SCAPER: variants seen among roughly 807,000 people sequenced by gnomAD.
SCAPER encodes S-phase cyclin A associated protein in the ER.
SCAPER carries 98 observed loss-of-function variants against 182.2 expected under a neutral mutation model. The observed-to-expected ratio is 0.54, with a 90% CI of 0.46 to 0.64. The LOEUF (loss-of-function observed/expected upper bound fraction) is 0.64, where lower values mean the gene tolerates loss of function less well. Ranked by LOEUF, SCAPER falls within the 30% of genes least tolerant of loss-of-function variation. The pLI is 0.00. For missense variants in SCAPER, 1,432 were observed against 1,690.0 expected (o/e 0.85, Z 2.68); for synonymous variants, 605 against 564.6 (o/e 1.07, Z -1.01).
At chr15:76,447,423 C>A (rs2048077188) in intron 25 of SCAPER, among the ~76,000 whole-genome samples, 1 of 152,184 alleles carries the variant, frequency 6.6e-6, no homozygotes, top group Non-Finnish European at 1.5e-5. Flanking sequence ...ACAGGTAAAA[C>A]AACCTGAGAC....
chr15:76,461,937 A>C (rs2049216919), intron 25 of SCAPER, among the ~76,000 whole-genome samples: 2 of 152,296 alleles, frequency 1.3e-5, no homozygotes, highest in East Asian at 1.9e-4. Flanking sequence ...CTCAAATCCC[A>C]GTTTTCTTGT....
At chr15:76,551,761 T>C (rs2045789720) in intron 23 of SCAPER, among the ~76,000 whole-genome samples, 1 of 152,200 alleles carries the variant, frequency 6.6e-6, no homozygotes, top group Non-Finnish European at 1.5e-5. Context: ...TACACTGATT[T>C]CATCAGTACA....
rs1369563073 is a variant in SCAPER, at chr15:76,354,968, A to G, written c.3856-828T>C. Among the ~76,000 whole-genome samples, 1 of 152,258 alleles carries G rather than the reference A, an allele frequency of 6.6e-6. No individual in the cohort carries two copies. Among genetic ancestry groups the G allele is most frequent in the Non-Finnish European group, 1.5e-5 (1 of 68,048 alleles). On this transcript the variant is annotated intron_variant, in intron 29 of 31. Coordinates refer to ENST00000563290, the MANE Select transcript of SCAPER (RefSeq NM_020843.4). The surrounding 1 kb of genome is among the most constrained non-coding windows in gnomAD (Gnocchi z 4.4). Reference sequence around the variant, plus strand: ...GAAAGAGCTGGGTGACCCAAAGCCCACTTCGTGGTATAGGAGGAAGCTCCT... The same window carrying G: ...GAAAGAGCTGGGTGACCCAAAGCCCGCTTCGTGGTATAGGAGGAAGCTCCT...
chr15:76,462,100 G>A (rs577113960), intron 25 of SCAPER, among the ~76,000 whole-genome samples: 4 of 152,180 alleles, frequency 2.6e-5, no homozygotes, highest in Admixed American at 1.3e-4. Flanking sequence ...CCTGAATTCT[G>A]TCCTCTGGTT....
chr15:76,451,075 T>C (rs1313570011), intron 25 of SCAPER, among the ~76,000 whole-genome samples: 2 of 152,248 alleles, frequency 1.3e-5, no homozygotes, highest in Non-Finnish European at 2.9e-5. Context: ...GTATTATAAA[T>C]GACTTTGCAT....
chr15:76,429,329 G>A (rs1164516874), intron 26 of SCAPER, among the ~76,000 whole-genome samples: 2 of 152,168 alleles, frequency 1.3e-5, no homozygotes, highest in African/African-American at 2.4e-5. Flanking sequence ...CCCTGAAAAT[G>A]TTGGAAGTGA....
At position 76,883,840 on chromosome 15, in the gene SCAPER, A is replaced by G. The variant is rs1374576172; in HGVS notation, c.-23T>C. On this transcript the variant is annotated 5_prime_UTR_variant, in exon 2 of 32. Coordinates refer to ENST00000563290, the MANE Select transcript of SCAPER (RefSeq NM_020843.4). ...CATTCTTTAAATTCTCTTCTATGCC[A>G]AGATCATTTATCACATAAACCCATG... The G allele has an allele frequency of 6.6e-7, 1 of 1,523,126 alleles. No homozygotes were observed. Among genetic ancestry groups the G allele is most frequent in the African/African-American group, 1.4e-5 (1 of 71,944 alleles). 94.4% of individuals were successfully genotyped at this position (1,523,126 alleles called of 1,614,324 possible). A position where few individuals can be genotyped will look rare whatever the true frequency, so the allele number is the denominator to read the frequency against.
intron 20 of SCAPER, among the ~76,000 whole-genome samples, chr15:76,680,349 G>A (rs2057622954): frequency 6.6e-6 from 1 of 150,726 alleles, no homozygotes; most frequent in Non-Finnish European, 1.5e-5. Flanking sequence ...ATTAAACCAG[G>A]TAAATTTCAG....
In SCAPER at chr15:76,471,347, A is replaced by C. The variant is rs2050149917; in HGVS notation, c.2955-12T>G. ...CATTGCAGAGAGACCTAAAAGAAGG[A>C]GAAAAACACCATTTATAAAACCCGA... On this transcript the variant is annotated splice_polypyrimidine_tract_variant and intron_variant, in intron 24 of 31. Coordinates refer to ENST00000563290, the MANE Select transcript of SCAPER (RefSeq NM_020843.4). 6.3e-7 allele frequency: 1 copy of C among 1,592,936 alleles called. No homozygotes were observed. Among genetic ancestry groups the C allele is most frequent in the South Asian group, 1.1e-5 (1 of 86,998 alleles).
At chr15:76,597,245 C>G (rs150583865) in intron 22 of SCAPER, among the ~76,000 whole-genome samples, 1 of 121,528 alleles carries the variant, frequency 8.2e-6, no homozygotes, top group African/African-American at 2.5e-5. Context: ...AAACAACTTA[C>G]ACGGGATGTG....
chr15:76,792,353 A>ACTGGC (rs1342938050), intron 8 of SCAPER, among the ~76,000 whole-genome samples: 1 of 152,106 alleles, frequency 6.6e-6, no homozygotes, highest in Non-Finnish European at 1.5e-5. Context: ...TGAGTGAGTC[A>ACTGGC]CTGGCAGTCT....
At chr15:76,822,154 G>A (rs1302086440) in intron 5 of SCAPER, among the ~76,000 whole-genome samples, 1 of 152,080 alleles carries the variant, frequency 6.6e-6, no homozygotes, top group Non-Finnish European at 1.5e-5. Context: ...TGTAAACTAT[G>A]GACTTGGGAA....
At chr15:76,770,281 C>T (rs1214028957) in intron 10 of SCAPER, among the ~76,000 whole-genome samples, 1 of 151,602 alleles carries the variant, frequency 6.6e-6, no homozygotes, top group Non-Finnish European at 1.5e-5. Flanking sequence ...TGCAGCAAAC[C>T]AACATGGCAC....
chr15:76,423,188 A>C (rs2046173373), intron 26 of SCAPER, among the ~76,000 whole-genome samples: 1 of 152,234 alleles, frequency 6.6e-6, no homozygotes, highest in African/African-American at 2.4e-5. Flanking sequence ...TAGTTTCAGA[A>C]GGAATGGTAC....
At chr15:76,793,492 G>C in intron 8 of SCAPER, 1 of 492,010 alleles carries the variant, frequency 2.0e-6, no homozygotes, top group Non-Finnish European at 3.6e-6. Context: ...TAGGTTGCTT[G>C]CCAATGGTTT....
rs1002234532 is a variant in SCAPER, at chr15:76,865,845, C to T, written c.7-3312G>A. Among the ~76,000 whole-genome samples the T allele has an allele frequency of 2.6e-5, 4 of 152,304 alleles. No homozygotes were observed. In the South Asian group the frequency reaches 6.2e-4, roughly 24 times the overall value. On this transcript the variant is annotated intron_variant, in intron 2 of 31. Coordinates refer to ENST00000563290, the MANE Select transcript of SCAPER (RefSeq NM_020843.4). ...GTAAACATCCGTACCCATATTCCTTCATTCCTCTGACCTTACCCTGAATAT... is the reference window on the plus strand; with the variant it reads ...GTAAACATCCGTACCCATATTCCTTTATTCCTCTGACCTTACCCTGAATAT...
At chr15:76,851,424 T>G (rs1250437100) in intron 4 of SCAPER, among the ~76,000 whole-genome samples, 1 of 151,974 alleles carries the variant, frequency 6.6e-6, no homozygotes, top group Non-Finnish European at 1.5e-5. Flanking sequence ...GAAAAAATGT[T>G]GAAGGTAGCT....
intron 7 of SCAPER, among the ~76,000 whole-genome samples, chr15:76,799,996 T>G (rs1336837780): frequency 6.6e-6 from 1 of 151,516 alleles, no homozygotes; most frequent in Admixed American, 6.6e-5. Context: ...ACTCCTCCAG[T>G]GGCAACAGGG....
At chr15:76,771,393 T>C (rs1231673008) in intron 10 of SCAPER, among the ~76,000 whole-genome samples, 1 of 152,098 alleles carries the variant, frequency 6.6e-6, no homozygotes, top group South Asian at 2.1e-4. Context: ...AAACTAAGTC[T>C]AGCAGACACC....
Sources: allele counts gnomAD v4.1 joint callset (sites outside exome capture counted in the v4.1 genomes callset), GRCh38; gene constraint gnomAD v4.1.1; non-coding constraint Gnocchi (gnomAD v3.1); transcripts MANE v1.5; gene names NCBI Gene and HGNC (gene_info 2026-07-23, HGNC 2026-07-21).